The following EIF2S2 variants were observed in gnomAD, a reference collection of about 807,000 sequenced individuals.
The protein encoded by EIF2S2 is eukaryotic translation initiation factor 2 subunit 2.
In EIF2S2, 4 loss-of-function variants were observed where a neutral mutation model predicts 44.0. That is an observed-to-expected ratio of 0.09 (90% CI 0.04 to 0.21). EIF2S2 has a LOEUF of 0.21. Ranked by LOEUF, EIF2S2 falls within the 10% of genes least tolerant of loss-of-function variation. The pLI is 1.00. For synonymous variants in EIF2S2, 108 were observed against 128.3 expected (o/e 0.84, Z 1.07); for missense variants, 154 against 392.0 (o/e 0.39, Z 5.13).
intron 6 of EIF2S2, among the ~76,000 whole-genome samples, chr20:34,094,641 A>C (rs1049268317): frequency 6.6e-6 from 1 of 152,148 alleles, no homozygotes; most frequent in African/African-American, 2.4e-5. Flanking sequence ...AATATTCACC[A>C]ACTAGAGGAG....
At position 34,112,104 on chromosome 20, in the gene EIF2S2, C is replaced by G; in HGVS notation, c.7G>C (p.Gly3Arg). The G allele has an allele frequency of 6.4e-7, 1 of 1,566,906 alleles. No individual in the cohort carries two copies. Among genetic ancestry groups the G allele is most frequent in the Non-Finnish European group, 8.7e-7 (1 of 1,154,476 alleles). ...CGGGCTCAGATCCTCACCTCGTCCC[C>G]AGACATGGCTGCGGCTCGAGTGGGC... Reference protein sequence around the residue: MSGDEMIFDPTMS... With the variant: MSRDEMIFDPTMS... The change falls in exon 1 of 9, where the codon GGG (glycine) becomes CGG (arginine). Residue 3 changes from glycine to arginine, a missense_variant. This residue lies in a region of EIF2S2 where 134 missense variants were observed against 225.0 expected (regional missense o/e 0.60). Coordinates refer to ENST00000374980, the MANE Select transcript of EIF2S2 (RefSeq NM_003908.5).
intron 6 of EIF2S2, among the ~76,000 whole-genome samples, chr20:34,095,960 C>T (rs1234911259): frequency 6.6e-6 from 1 of 152,192 alleles, no homozygotes; most frequent in Non-Finnish European, 1.5e-5. Flanking sequence ...TAACCCAGGG[C>T]TGACTCTGGC....
intron 7 of EIF2S2, among the ~76,000 whole-genome samples, chr20:34,093,300 G>T (rs2034189293): frequency 1.3e-5 from 2 of 152,132 alleles, no homozygotes; most frequent in South Asian, 4.1e-4. Flanking sequence ...CTTACTAGCT[G>T]TATTTCTTCA....
Position 34,105,633 on chromosome 20 carries a change from T to A in EIF2S2, c.16-88A>T, listed in dbSNP as rs1055300128. 3.1e-6 allele frequency: 4 copies of A among 1,279,390 alleles called. No individual in the cohort carries two copies. The African/African-American group carries it at 6.0e-5, about 19-fold the overall frequency. 79.3% of individuals were successfully genotyped at this position (1,279,390 alleles called of 1,614,324 possible). On this transcript the variant is annotated intron_variant, in intron 1 of 8. Coordinates refer to ENST00000374980, the MANE Select transcript of EIF2S2 (RefSeq NM_003908.5). ...AAATATGCTTTATCCTCAAAAGGCATACTCTTAAAAGAGTATGTGATACAT... is the reference window on the plus strand; with the variant it reads ...AAATATGCTTTATCCTCAAAAGGCAAACTCTTAAAAGAGTATGTGATACAT...
rs1200213696 is a variant in EIF2S2 at position 34,089,163 on chromosome 20, G to GA, written c.*566dup. ...AGCAACCATCCCCACATACGGAAAA[G>GA]AATTCAAATCTATGGAGTCATTCCC... is the stretch of plus-strand genomic sequence containing the variant. On this transcript the variant is annotated 3_prime_UTR_variant, in exon 9 of 9. Transcript: ENST00000374980. 6.5e-6 allele frequency: 1 copy of GA among 152,764 alleles called. No homozygotes were observed. The highest frequency in any genetic ancestry group is 6.5e-5 in the Admixed American group (1 of 15,282). 9.5% of individuals were successfully genotyped at this position (152,764 alleles called of 1,614,324 possible).
Position 34,105,437 on chromosome 20 carries a change from T to C in EIF2S2, c.124A>G (p.Lys42Glu). 1.2e-6 allele frequency: 2 copies of C among 1,614,138 alleles called. No individual in the cohort carries two copies. Among genetic ancestry groups the C allele is most frequent in the Non-Finnish European group, 1.7e-6 (2 of 1,179,974 alleles). The change falls in exon 2 of 9, where the codon AAA becomes GAA. Residue 42 changes from lysine (K) to glutamate (E), a missense_variant. Transcript: ENST00000374980. ...TCAGTTGGCTCTGGCTCCACTTCTT[T>C]TGTTTCTGAAGGCTGGGTTTCCTCT... ...QTEETQPSET[K>E]EVEPEPTEDK...
intron 3 of EIF2S2, among the ~76,000 whole-genome samples, chr20:34,100,703 G>T (rs540814269): frequency 1.3e-5 from 2 of 152,194 alleles, no homozygotes; most frequent in Admixed American, 6.5e-5. Context: ...GTGGTCTTTG[G>T]GCATCACTCC....
intron 1 of EIF2S2, among the ~76,000 whole-genome samples, chr20:34,111,401 C>A (rs888126253): frequency 6.6e-6 from 1 of 152,166 alleles, no homozygotes; most frequent in African/African-American, 2.4e-5. Flanking sequence ...TGAGGAAATT[C>A]ACTGAGATCC....
At chr20:34,097,076 AAAGT>A (rs1042990478) in intron 5 of EIF2S2, among the ~76,000 whole-genome samples, 1 of 152,220 alleles carries the variant, frequency 6.6e-6, no homozygotes, top group African/African-American at 2.4e-5. Context: ...GATACATGGA[AAAGT>A]AAGATTCAGG....
Position 34,098,480 on chromosome 20 carries a change from C to A in EIF2S2, c.433+18G>T, listed in dbSNP as rs1395035879. On this transcript the variant is annotated intron_variant, in intron 4 of 8. Transcript: ENST00000374980. ...GCTTGAGTAACCTCTAAATGTGCTG[C>A]TGAGTCCTCAGCATTACCTTCATCT... The A allele has an allele frequency of 6.2e-7, 1 of 1,611,830 alleles. No homozygotes were observed.
At chr20:34,093,762 A>G (rs1350288292) in intron 6 of EIF2S2, 31 bp from the exon 7 acceptor site, 1 of 1,558,436 alleles carries the variant, frequency 6.4e-7, no homozygotes, top group Non-Finnish European at 8.7e-7. Context: ...TATAAACCTT[A>G]TCTCTCATGG....
intron 4 of EIF2S2, among the ~76,000 whole-genome samples, chr20:34,098,246 CAA>C (rs749583152): frequency 6.4e-5 from 6 of 93,824 alleles, no homozygotes; most frequent in Admixed American, 1.2e-4. Context: ...GACTCCGTCT[CAA>C]AAAAAAAAAA....
chr20:34,091,776 T>TTGG lies in EIF2S2; in HGVS notation c.741-1175_741-1174insCCA, dbSNP rs4012181. 2.2e-3 allele frequency among the ~76,000 whole-genome samples: 215 copies of TTGG among 95,774 alleles called. 12 individuals are homozygous for TTGG. The highest frequency in any genetic ancestry group is 6.1e-3 in the East Asian group (17 of 2,788). 62.8% of individuals were successfully genotyped at this position (95,774 alleles called of 152,430 possible). A position where few individuals can be genotyped will look rare whatever the true frequency, so the allele number is the denominator to read the frequency against. On this transcript the variant is annotated intron_variant, in intron 7 of 8. Coordinates refer to ENST00000374980, the MANE Select transcript of EIF2S2 (RefSeq NM_003908.5). ...TATTATTTATATATATTTATTTTTTTGGGGGGGGGGGGTCCAAGGGTGGAG... is the reference window on the plus strand; with the variant it reads ...TATTATTTATATATATTTATTTTTTTTGGGGGGGGGGGGGGTCCAAGGGTGGAG...
chr20:34,096,849 A>T, intron 5 of EIF2S2, 44 bp from the exon 6 acceptor site: 2 of 1,560,420 alleles, frequency 1.3e-6, no homozygotes, highest in Non-Finnish European at 1.7e-6. Context: ...TAGTAACTGC[A>T]GGGGTATAAA....
At chr20:34,101,905 C>T (rs971298661) in intron 3 of EIF2S2, among the ~76,000 whole-genome samples, 8 of 152,042 alleles carry the variant, frequency 5.3e-5, no homozygotes, top group African/African-American at 1.7e-4. Context: ...GAACTCCTGA[C>T]CTCAGGTGAT....
chr20:34,104,268 C>T (rs1486351996), intron 2 of EIF2S2, among the ~76,000 whole-genome samples: 3 of 152,152 alleles, frequency 2.0e-5, no homozygotes, highest in Non-Finnish European at 4.4e-5. Context: ...CTGCAATATA[C>T]GTGCGGTCTC....
chr20:34,093,493 T>G (rs993100967), intron 7 of EIF2S2, among the ~76,000 whole-genome samples, 182 bp downstream of exon 7: 2 of 152,242 alleles, frequency 1.3e-5, no homozygotes, highest in Non-Finnish European at 2.9e-5. Context: ...GTCAACTCTG[T>G]GCCCTATTCC....
intron 7 of EIF2S2, among the ~76,000 whole-genome samples, chr20:34,093,141 A>C (rs551779777): frequency 2.6e-5 from 4 of 152,342 alleles, no homozygotes; most frequent in African/African-American, 9.6e-5. Context: ...ATAGTAGTCA[A>C]ACTCATTGGC....
At chr20:34,091,821 A>G (rs1243138714) in intron 7 of EIF2S2, among the ~76,000 whole-genome samples, 3 of 150,234 alleles carry the variant, frequency 2.0e-5, no homozygotes, top group Non-Finnish European at 4.4e-5. Context: ...GCAAAAGAGA[A>G]AGAATAGCTC....
Sources: gnomAD v4.1 joint callset for allele counts (sites outside exome capture counted in the v4.1 genomes callset) on GRCh38, gnomAD v4.1.1 for gene constraint, gnomAD v4.1.1 regional missense constraint, MANE v1.5 for transcripts, NCBI Gene and HGNC (gene_info 2026-07-23, HGNC 2026-07-21) for gene names.